Variants in ALS2 observed in about 807,000 individuals in gnomAD.
ALS2 encodes alsin.
A neutral mutation model predicts 203.4 loss-of-function variants in ALS2; 117 were observed. The ratio of observed to expected loss-of-function variants is 0.58; its 90% CI spans 0.50 to 0.67. The LOEUF (loss-of-function observed/expected upper bound fraction) is 0.67. ALS2 is among the 30% of genes least tolerant of loss of function. The probability of loss-of-function intolerance (pLI) is 0.00; values close to 1 mark genes in which losing one functional copy is unlikely to be tolerated. For missense variants in ALS2, 1,715 were observed against 1,989.4 expected (o/e 0.86, Z 2.62); for synonymous variants, 718 against 725.9 (o/e 0.99, Z 0.17).
At chr2:201,753,989 C>A (rs1465979365) in intron 6 of ALS2, among the ~76,000 whole-genome samples, 17 of 151,046 alleles carry the variant, frequency 1.1e-4, no homozygotes, top group Admixed American at 1.1e-3. Flanking sequence ...ATACTTAAGT[C>A]TTTTACTGCT....
intron 5 of ALS2, among the ~76,000 whole-genome samples, chr2:201,756,510 C>T (rs1693402510): frequency 8.2e-6 from 1 of 121,908 alleles, no homozygotes; most frequent in African/African-American, 3.2e-5. Flanking sequence ...TCATGTAAAC[C>T]AGGAGTTGGT....
chr2:201,753,916 A>G (rs534675779), intron 6 of ALS2, among the ~76,000 whole-genome samples: 1 of 152,210 alleles, frequency 6.6e-6, no homozygotes, highest in Non-Finnish European at 1.5e-5. Flanking sequence ...TCTTATCCCA[A>G]CACCCCTTTC....
chr2:201,729,316 A>C lies in ALS2; in HGVS notation c.2581-133T>G, dbSNP rs13029960. The C allele has an allele frequency of 6.2e-6, 6 of 963,662 alleles. 1 individual carries two copies. The highest frequency in any genetic ancestry group is 1.5e-5 in the South Asian group (1 of 66,254). The allele number at this position is 963,662 out of a possible 1,614,324, so 59.7% of individuals were successfully genotyped here. A position where few individuals can be genotyped will look rare whatever the true frequency, so the allele number is the denominator to read the frequency against. On this transcript the variant is annotated intron_variant, in intron 13 of 33. Coordinates refer to ENST00000264276, the MANE Select transcript of ALS2 (RefSeq NM_020919.4). ...AATTCAGCCCACGAGCATAAGTAGCACACTGCAGGAGACTGGGAAAAGGAG... is the reference window on the plus strand; with the variant it reads ...AATTCAGCCCACGAGCATAAGTAGCCCACTGCAGGAGACTGGGAAAAGGAG...
chr2:201,773,479 G>A (rs1162718902), intron 1 of ALS2, among the ~76,000 whole-genome samples: 6 of 152,224 alleles, frequency 3.9e-5, no homozygotes. Context: ...AAATAGCTGT[G>A]TGTTGGTGGC....
chr2:201,738,378 A>C (rs1351427486), intron 12 of ALS2, among the ~76,000 whole-genome samples: 1 of 152,168 alleles, frequency 6.6e-6, no homozygotes, highest in Non-Finnish European at 1.5e-5. Context: ...TTTTCAGATG[A>C]AGAACACTAG....
chr2:201,719,885 G>A (rs751041702), intron 23 of ALS2: 8 of 204,786 alleles, frequency 3.9e-5, no homozygotes, highest in Non-Finnish European at 7.0e-5. Flanking sequence ...AAAACTCCTA[G>A]GAAGACAAAA....
chr2:201,758,964 A>G (rs1450187894), intron 4 of ALS2, among the ~76,000 whole-genome samples: 2 of 152,198 alleles, frequency 1.3e-5, no homozygotes, highest in African/African-American at 2.4e-5. Context: ...TACTTAATAA[A>G]ACGAAAAAGA....
intron 8 of ALS2, among the ~76,000 whole-genome samples, chr2:201,747,308 G>A (rs1382436612): frequency 6.6e-6 from 1 of 151,948 alleles, no homozygotes; most frequent in East Asian, 1.9e-4. Context: ...CCCCTGAGAA[G>A]CCCATCTGCA....
chr2:201,720,489 G>A (rs991952309), intron 23 of ALS2, among the ~76,000 whole-genome samples: 2 of 139,144 alleles, frequency 1.4e-5, no homozygotes, highest in Non-Finnish European at 3.0e-5. Flanking sequence ...GATTGCTTGA[G>A]CTCAGGAGTT....
intron 27 of ALS2, 119 bp from the exon 28 acceptor site, chr2:201,708,110 C>G: frequency 1.1e-6 from 1 of 910,014 alleles, no homozygotes; most frequent in South Asian, 1.5e-5. Flanking sequence ...TATTTTAGTT[C>G]CCTGAGAAAA....
At chr2:201,751,207 T>G (rs142179661) in intron 7 of ALS2, among the ~76,000 whole-genome samples, 1 of 152,192 alleles carries the variant, frequency 6.6e-6, no homozygotes. Flanking sequence ...CATATATTCA[T>G]GTATCTATTT....
chr2:201,729,175 T>C lies in ALS2; in HGVS notation c.2589A>G (p.Pro863=). 6.2e-7 allele frequency: 1 copy of C among 1,613,364 alleles called. No homozygotes were observed. Residue 863 remains proline, a synonymous_variant, in exon 14 of 34, where the codon CCA becomes CCG. Transcript: ENST00000264276. ...KLATCFEVAS[P]EYQKLQDSSS... ...TGGAATCCTGCAGTTTCTGATATTC[T>C]GGAGATGCCTACAGGGCAAAAATTA... is the stretch of plus-strand genomic sequence containing the variant.
chr2:201,764,739 A>G (rs1693989400), intron 3 of ALS2, among the ~76,000 whole-genome samples: 1 of 152,140 alleles, frequency 6.6e-6, no homozygotes, highest in African/African-American at 2.4e-5. Context: ...CATATTTAAT[A>G]GAGATGAAGA....
chr2:201,740,244 T>C (rs563984536), intron 11 of ALS2, among the ~76,000 whole-genome samples: 5 of 152,292 alleles, frequency 3.3e-5, no homozygotes, highest in African/African-American at 1.2e-4. Context: ...GGAGGATCAC[T>C]TGAGCCTGGC....
chr2:201,744,805 A>C (rs1385563779), intron 9 of ALS2, among the ~76,000 whole-genome samples: 1 of 152,232 alleles, frequency 6.6e-6, no homozygotes, highest in African/African-American at 2.4e-5. Context: ...ATAAAGATCC[A>C]AATGATAGGG....
chr2:201,740,055 T>C (rs889828942), intron 11 of ALS2, among the ~76,000 whole-genome samples: 1 of 152,168 alleles, frequency 6.6e-6, no homozygotes, highest in African/African-American at 2.4e-5. Flanking sequence ...CCAGGCACAG[T>C]GGCTCACACT....
intron 7 of ALS2, 128 bp downstream of exon 7, chr2:201,753,018 G>T (rs1245356072): frequency 2.2e-5 from 18 of 823,444 alleles, no homozygotes; most frequent in Non-Finnish European, 3.8e-5. Flanking sequence ...ACAAAATATT[G>T]GAAAGCTAAA....
rs748502853 is a variant in ALS2, at chr2:201,710,047, GA to G, written c.4123-10del. On this transcript the variant is annotated splice_polypyrimidine_tract_variant and intron_variant, in intron 26 of 33. Coordinates refer to ENST00000264276, the MANE Select transcript of ALS2 (RefSeq NM_020919.4). ...AGAGGAGTGTCACAGGCCTGAGTAG[GA>G]AAAGAATCAATGAAGTCAGTTGATG... is the stretch of plus-strand genomic sequence containing the variant. 1.2e-6 allele frequency: 2 copies of G among 1,613,694 alleles called. No homozygotes were observed. Among genetic ancestry groups the G allele is most frequent in the East Asian group, 2.2e-5 (1 of 44,874 alleles).
At chr2:201,721,513 G>C (rs554678534) in intron 23 of ALS2, among the ~76,000 whole-genome samples, 1 of 152,104 alleles carries the variant, frequency 6.6e-6, no homozygotes, top group Non-Finnish European at 1.5e-5. Context: ...ACATTTTCTG[G>C]TCAACAAAGG....
Sources: gnomAD v4.1 joint callset for allele counts (sites outside exome capture counted in the v4.1 genomes callset) on GRCh38, gnomAD v4.1.1 for gene constraint, MANE v1.5 for transcripts, NCBI Gene and HGNC (gene_info 2026-07-23, HGNC 2026-07-21) for gene names.